Variants in TUSC3 observed in about 807,000 individuals in gnomAD.
TUSC3 encodes tumor suppressor candidate 3, also known as dolichyl-diphosphooligosaccharide--protein glycosyltransferase subunit TUSC3.
TUSC3 carries 45 observed loss-of-function variants against 44.8 expected under a neutral mutation model. The ratio of observed to expected loss-of-function variants is 1.00; its 90% CI spans 0.79 to 1.29. TUSC3 has a LOEUF of 1.29. Among genes scored for constraint, TUSC3 ranks in the 50% most tolerant of loss-of-function variants. The pLI, the probability that TUSC3 is intolerant of heterozygous loss-of-function variation, is 0.00. For synonymous variants in TUSC3, 212 were observed against 152.9 expected, an observed-to-expected ratio of 1.39 and a Z score of -2.85; for missense variants, 519 against 437.9, an observed-to-expected ratio of 1.19 and a Z score of -1.65.
chr8:15,685,397 C>T (rs1219296210), intron 6 of TUSC3, among the ~76,000 whole-genome samples: 1 of 152,052 alleles, frequency 6.6e-6, no homozygotes, highest in African/African-American at 2.4e-5. Flanking sequence ...TGCTTTCTCA[C>T]AAAATCTTTA....
intron 1 of TUSC3, among the ~76,000 whole-genome samples, chr8:15,471,581 A>G (rs998656367): frequency 2.6e-5 from 4 of 151,966 alleles, no homozygotes; most frequent in Admixed American, 6.6e-5. Context: ...TCATAGTGTT[A>G]TAAATTTACT....
downstream of TUSC3, among the ~76,000 whole-genome samples, chr8:15,769,363 C>T (rs1023122914): frequency 6.6e-6 from 1 of 152,124 alleles, no homozygotes; most frequent in Admixed American, 6.5e-5. Flanking sequence ...GATGGGAAAA[C>T]TGGCTAGCTA....
chr8:15,524,113 A>T (rs570551148), intron 2 of TUSC3, among the ~76,000 whole-genome samples: 2 of 151,524 alleles, frequency 1.3e-5, no homozygotes, highest in Admixed American at 6.6e-5. Flanking sequence ...ATTTAGATGC[A>T]TTTTTTTATA....
the TUSC3 span, among the ~76,000 whole-genome samples, chr8:15,811,063 G>C: frequency 1.4e-5 from 2 of 147,528 alleles, no homozygotes; most frequent in Non-Finnish European, 2.9e-5. Flanking sequence ...GAAAGAAAAG[G>C]GGGAAGCGTA....
intron 1 of TUSC3, among the ~76,000 whole-genome samples, chr8:15,619,978 C>T (rs904838086): frequency 3.9e-5 from 6 of 152,174 alleles, no homozygotes; most frequent in Non-Finnish European, 7.4e-5. Flanking sequence ...ATGAGAATCC[C>T]TTGAACCCTG....
chr8:15,625,422 CTTCT>C (rs1805457865), intron 2 of TUSC3, among the ~76,000 whole-genome samples: 1 of 152,128 alleles, frequency 6.6e-6, no homozygotes, highest in Non-Finnish European at 1.5e-5. Flanking sequence ...AGTGTTAACT[CTTCT>C]TTAAGTGTTT....
rs190978339 is a variant in TUSC3, at chr8:15,445,449, G to A, written n.91+28144G>A. ...GAACAAGGATCTCTGGTTTTCCTAG[G>A]CAGAGGACCCTGCGGCCTTCCGCAG... On this transcript the variant is annotated intron_variant and non_coding_transcript_variant, in intron 1 of 5. Coordinates refer to the TUSC3 transcript ENST00000503191. Among the ~76,000 whole-genome samples the A allele has an allele frequency of 3.3e-4, 50 of 152,234 alleles. 1 individual carries two copies. The East Asian group carries it at 9.1e-3, about 28-fold the overall frequency.
chr8:15,787,023 CTT>C, the TUSC3 span, among the ~76,000 whole-genome samples: 3 of 147,716 alleles, frequency 2.0e-5, no homozygotes, highest in African/African-American at 7.5e-5. Context: ...AACTTAATGA[CTT>C]TGGGTCTGTG....
At chr8:15,425,809 C>A (rs1799796557) in intron 1 of TUSC3, among the ~76,000 whole-genome samples, 1 of 152,168 alleles carries the variant, frequency 6.6e-6, no homozygotes, top group African/African-American at 2.4e-5. Flanking sequence ...ATGACTTAGA[C>A]CCTACCACAA....
intron 2 of TUSC3, among the ~76,000 whole-genome samples, chr8:15,514,356 A>G (rs1801185890): frequency 6.6e-6 from 1 of 152,188 alleles, no homozygotes; most frequent in Admixed American, 6.5e-5. Flanking sequence ...ACATTGTGCA[A>G]AGAATGAAGT....
At chr8:15,490,321 T>C (rs773259250) in intron 2 of TUSC3, among the ~76,000 whole-genome samples, 6 of 152,178 alleles carry the variant, frequency 3.9e-5, no homozygotes, top group Non-Finnish European at 4.4e-5. Context: ...GATTGTCTTT[T>C]GGGAGCTGAG....
intron 1 of TUSC3, among the ~76,000 whole-genome samples, chr8:15,483,192 A>G (rs549156182): frequency 1.3e-5 from 2 of 152,328 alleles, no homozygotes; most frequent in South Asian, 2.1e-4. Flanking sequence ...ATATTTTGCA[A>G]AAGAAAAAGA....
intron 1 of TUSC3, among the ~76,000 whole-genome samples, chr8:15,552,924 G>A (rs1419971874): frequency 1.3e-5 from 2 of 151,668 alleles, no homozygotes; most frequent in Admixed American, 6.6e-5. Context: ...ATTAGTTGTG[G>A]CAGTGAGAAT....
chr8:15,538,984 G>A (rs1052759567), upstream of TUSC3, among the ~76,000 whole-genome samples: 1 of 151,418 alleles, frequency 6.6e-6, no homozygotes, highest in Non-Finnish European at 1.5e-5. Flanking sequence ...GGAATAGCTA[G>A]GACTACAAGT....
intron 2 of TUSC3, among the ~76,000 whole-genome samples, chr8:15,489,059 A>G (rs989197692): frequency 3.9e-5 from 6 of 152,314 alleles, no homozygotes; most frequent in African/African-American, 1.4e-4. Flanking sequence ...AATATGAGTG[A>G]CCAAGACTGA....
chr8:15,437,097 A>T (rs75252997), intron 1 of TUSC3, among the ~76,000 whole-genome samples: 2 of 152,180 alleles, frequency 1.3e-5, no homozygotes, highest in African/African-American at 4.8e-5. Context: ...TCAAATTAAG[A>T]TATCTCTAAA....
chr8:15,516,272 C>T (rs1801215049), intron 2 of TUSC3, among the ~76,000 whole-genome samples: 1 of 152,110 alleles, frequency 6.6e-6, no homozygotes, highest in African/African-American at 2.4e-5. Flanking sequence ...CAGAGGAATG[C>T]ATTAATTTGT....
At chr8:15,546,827 C>G (rs1801884624) in intron 1 of TUSC3, among the ~76,000 whole-genome samples, 2 of 151,704 alleles carry the variant, frequency 1.3e-5, no homozygotes, top group African/African-American at 4.8e-5. Flanking sequence ...TGAGCCACTG[C>G]ACCTGGCCTA....
chr8:15,776,560 CTTCA>C, the TUSC3 span, among the ~76,000 whole-genome samples: 2 of 152,094 alleles, frequency 1.3e-5, no homozygotes, highest in African/African-American at 4.8e-5. Context: ...CTCTTTAAAA[CTTCA>C]TTGTGTTACT....
Sources: gnomAD v4.1 joint callset for allele counts (sites outside exome capture counted in the v4.1 genomes callset) on GRCh38, gnomAD v4.1.1 for gene constraint, MANE v1.5 for transcripts, NCBI Gene and HGNC (gene_info 2026-07-23, HGNC 2026-07-21) for gene names.